The following RNF216 variants were observed in gnomAD, a reference collection of about 807,000 sequenced individuals.
RNF216 encodes the protein E3 ubiquitin-protein ligase RNF216.
A neutral mutation model predicts 110.8 loss-of-function variants in RNF216; 72 were observed. That is an observed-to-expected ratio of 0.65 (90% CI 0.54 to 0.79). The LOEUF is 0.79. RNF216 is among the 30% of genes least tolerant of loss of function. The pLI, the probability that RNF216 is intolerant of heterozygous loss-of-function variation, is 0.00. For synonymous variants in RNF216, 495 were observed against 407.5 expected (o/e 1.21, Z -2.59); for missense variants, 1,342 against 1,141.2 (o/e 1.18, Z -2.54).
At chr7:5,623,260 T>A in intron 16 of RNF216, 81 bp from the exon 17 acceptor site, 1 of 1,334,760 alleles carries the variant, frequency 7.5e-7, no homozygotes, top group East Asian at 2.4e-5. Context: ...GGCAGCGACC[T>A]CTGGACACGG....
Position 5,764,336 on chromosome 7 carries a change from G to C in RNF216, c.-69-3198C>G, listed in dbSNP as rs143270208. 4.1e-3 allele frequency among the ~76,000 whole-genome samples: 628 copies of C among 151,982 alleles called. 1 individual carries two copies. Among genetic ancestry groups the C allele is most frequent in the African/African-American group, 0.013 (553 of 41,470 alleles). ...AATGTCATAAGGTAGAACTACCAGA[G>C]GTAAAACAAAGATAAAAATAGACTC... On this transcript the variant is annotated intron_variant, in intron 1 of 16. Coordinates refer to ENST00000389902, the MANE Select transcript of RNF216 (RefSeq NM_207111.4).
At chr7:5,702,625 C>A (rs957661532) in intron 13 of RNF216, among the ~76,000 whole-genome samples, 1 of 152,284 alleles carries the variant, frequency 6.6e-6, no homozygotes. Flanking sequence ...ATTTACTGTG[C>A]TTCAATAGCA....
intron 13 of RNF216, among the ~76,000 whole-genome samples, chr7:5,679,872 C>T (rs557383340): frequency 4.6e-5 from 7 of 152,270 alleles, no homozygotes; most frequent in South Asian, 4.1e-4. Flanking sequence ...TTCTGCTAAG[C>T]GGCCAGAGTC....
At chr7:5,777,640 G>A (rs1796857300) in intron 1 of RNF216, 1 of 152,178 alleles carries the variant, frequency 6.6e-6, no homozygotes, top group Admixed American at 6.6e-5. Context: ...TATTAAGGAA[G>A]AACAAAGCAG....
chr7:5,648,531 C>T (rs1198388846), intron 14 of RNF216, among the ~76,000 whole-genome samples: 3 of 151,418 alleles, frequency 2.0e-5, no homozygotes, highest in East Asian at 2.0e-4. Flanking sequence ...CGAGACCATC[C>T]TGGTTAACAC....
intron 13 of RNF216, among the ~76,000 whole-genome samples, chr7:5,687,406 A>AAAG (rs1207591868): frequency 1.4e-5 from 2 of 147,048 alleles, no homozygotes; most frequent in Non-Finnish European, 3.0e-5. Context: ...AAAAAAAAAA[A>AAAG]AAAAAAAAGA....
chr7:5,703,888 G>T (rs1330221036), intron 13 of RNF216, among the ~76,000 whole-genome samples: 1 of 152,198 alleles, frequency 6.6e-6, no homozygotes, highest in African/African-American at 2.4e-5. Context: ...TTATGGCTGT[G>T]GCAAGGCAGA....
chr7:5,649,584 G>A (rs572894360), intron 14 of RNF216: 1 of 151,922 alleles, frequency 6.6e-6, no homozygotes, highest in African/African-American at 2.4e-5. Context: ...ATATGATAAG[G>A]AAAGGCAAGT....
At chr7:5,757,859 A>C (rs1417032473) in intron 2 of RNF216, among the ~76,000 whole-genome samples, 3 of 152,186 alleles carry the variant, frequency 2.0e-5, no homozygotes, top group Non-Finnish European at 4.4e-5. Flanking sequence ...GCATAATAAA[A>C]AATTATTAAT....
chr7:5,657,692 GC>G (rs1362026306), intron 13 of RNF216, among the ~76,000 whole-genome samples: 3 of 152,122 alleles, frequency 2.0e-5, no homozygotes, highest in African/African-American at 7.2e-5. Context: ...GGGCTTCCAG[GC>G]CATCTGTGTC....
At chr7:5,761,947 T>C (rs1216989405) in intron 1 of RNF216, among the ~76,000 whole-genome samples, 3 of 152,188 alleles carry the variant, frequency 2.0e-5, no homozygotes, top group African/African-American at 7.2e-5. Context: ...CAAATGTACA[T>C]TCCCTGTGAC....
intron 13 of RNF216, among the ~76,000 whole-genome samples, chr7:5,674,392 C>A (rs852408): frequency 0.015 from 2,257 of 151,420 alleles, 29 homozygotes; most frequent in South Asian, 0.034. Flanking sequence ...CTCCTGACCT[C>A]ATGATCCGCC....
chr7:5,713,189 T>C (rs1178401404), intron 11 of RNF216: 2 of 182,918 alleles, frequency 1.1e-5, no homozygotes, highest in Non-Finnish European at 1.1e-5. Flanking sequence ...TGTTCCCCTC[T>C]ACAGATATTA....
At chr7:5,627,855 C>T (rs1418123087) in intron 15 of RNF216, among the ~76,000 whole-genome samples, 3 of 152,176 alleles carry the variant, frequency 2.0e-5, no homozygotes, top group African/African-American at 7.2e-5. Flanking sequence ...CTCTGGCCCC[C>T]TGTGGCACTG....
At position 5,725,402 on chromosome 7, in the gene RNF216, A is replaced by G. The variant is rs1425512691; in HGVS notation, c.1426T>C (p.Ser476Pro). The G allele has an allele frequency of 6.2e-7, 1 of 1,613,740 alleles. No individual in the cohort carries two copies. ...SDAIKKWQEL[S>P]PETSGKRKKR... ...TTCCTTTTTCCACTGGTTTCTGGTG[A>G]CAGCTCCTGCCATTTTTTAATGGCA... Residue 476 changes from serine (S) to proline (P), a missense_variant, in exon 8 of 17, where the codon TCA (serine) becomes CCA (proline). Ser to Pro is a moderately conservative substitution (Grantham distance 74, BLOSUM62 -1). Coordinates refer to ENST00000389902, the MANE Select transcript of RNF216 (RefSeq NM_207111.4).
chr7:5,629,064 T>C (rs1446858178), intron 15 of RNF216, among the ~76,000 whole-genome samples: 1 of 151,528 alleles, frequency 6.6e-6, no homozygotes, highest in Non-Finnish European at 1.5e-5. Context: ...CCAGGTGTGG[T>C]GGCGTGTGCC....
At chr7:5,641,880 A>C (rs1192864161) in intron 14 of RNF216, among the ~76,000 whole-genome samples, 1 of 151,822 alleles carries the variant, frequency 6.6e-6, no homozygotes, top group Non-Finnish European at 1.5e-5. Flanking sequence ...TAAAAATACA[A>C]AAATTTGCCA....
rs1049857240 is a variant in RNF216, at chr7:5,624,470, G to A, written c.2383-345C>T. Among the ~76,000 whole-genome samples the A allele has an allele frequency of 2.0e-5, 3 of 152,248 alleles. No homozygotes were observed. Among genetic ancestry groups the A allele is most frequent in the African/African-American group, 7.2e-5 (3 of 41,468 alleles). ...AGGGTTTGGAGAGGGCTGGGTCTGA[G>A]TGGGCACAGCCTGAAAAGTTTCAGA... is the stretch of plus-strand genomic sequence containing the variant. On this transcript the variant is annotated intron_variant, in intron 15 of 16. Coordinates refer to ENST00000389902, the MANE Select transcript of RNF216 (RefSeq NM_207111.4). This position sits in a 1 kb window ranked among gnomAD's most constrained non-coding sequence, Gnocchi z 4.4.
intron 15 of RNF216, among the ~76,000 whole-genome samples, chr7:5,627,532 G>C (rs1786786944): frequency 1.3e-5 from 2 of 152,140 alleles, no homozygotes; most frequent in African/African-American, 4.8e-5. Context: ...CGGACCACGA[G>C]GTCAGGAGAT....
Sources: gnomAD v4.1 joint callset for allele counts (sites outside exome capture counted in the v4.1 genomes callset) on GRCh38, gnomAD v4.1.1 for gene constraint, Gnocchi (gnomAD v3.1) non-coding constraint, MANE v1.5 for transcripts, NCBI Gene and HGNC (gene_info 2026-07-23, HGNC 2026-07-21) for gene names.